The following GPC5 variants were observed in gnomAD, a reference collection of about 807,000 sequenced individuals.
GPC5 encodes the protein glypican-5.
Under a neutral mutation model 53.9 loss-of-function variants are expected in GPC5, and 47 were observed. The ratio of observed to expected loss-of-function variants is 0.87; its 90% confidence interval spans 0.69 to 1.11. The LOEUF is 1.11. GPC5 is among the 50% of genes most tolerant of loss of function. GPC5 has a pLI of 0.00. For synonymous variants in GPC5, 286 were observed against 263.3 expected, an observed-to-expected ratio of 1.09 and a Z score of -0.84; for missense variants, 748 against 713.1, an observed-to-expected ratio of 1.05 and a Z score of -0.56.
intron 7 of GPC5, among the ~76,000 whole-genome samples, chr13:92,748,311 T>TTTTTTA (rs535585731): frequency 1.2e-4 from 17 of 142,352 alleles, no homozygotes; most frequent in African/African-American, 4.1e-4. Context: ...TGCATTTTAT[T>TTTTTTA]TTATTATTAT....
intron 6 of GPC5, among the ~76,000 whole-genome samples, chr13:91,924,326 T>C (rs1263476694): frequency 3.3e-5 from 5 of 152,228 alleles, no homozygotes; most frequent in Non-Finnish European, 7.3e-5. Flanking sequence ...CTTATTAGAA[T>C]ACTAATTTCA....
chr13:91,619,068 G>T (rs1302833044), intron 2 of GPC5, among the ~76,000 whole-genome samples: 4 of 151,962 alleles, frequency 2.6e-5, no homozygotes, highest in African/African-American at 4.8e-5. Flanking sequence ...TAAATTGGAT[G>T]AATATTAGAA....
At chr13:92,752,112 G>A (rs1889419824) in intron 7 of GPC5, among the ~76,000 whole-genome samples, 1 of 150,928 alleles carries the variant, frequency 6.6e-6, no homozygotes, top group Admixed American at 6.6e-5. Context: ...TCTCAAACTT[G>A]GCATTACCAT....
intron 5 of GPC5, among the ~76,000 whole-genome samples, chr13:91,894,236 C>T (rs1408288045): frequency 2.0e-5 from 3 of 152,058 alleles, no homozygotes; most frequent in Non-Finnish European, 4.4e-5. Flanking sequence ...CATTTGGTAG[C>T]CCTTCAGGAC....
chr13:92,722,821 CA>C (rs1205248326), intron 7 of GPC5, among the ~76,000 whole-genome samples: 6 of 151,500 alleles, frequency 4.0e-5, no homozygotes, highest in African/African-American at 7.3e-5. Context: ...TTTTTATATA[CA>C]AAAAAATGAT....
At chr13:91,770,096 A>G (rs963912768) in intron 5 of GPC5, among the ~76,000 whole-genome samples, 1 of 152,184 alleles carries the variant, frequency 6.6e-6, no homozygotes, top group African/African-American at 2.4e-5. Context: ...AGAATGGCTC[A>G]CAGGACTCAG....
intron 1 of GPC5, among the ~76,000 whole-genome samples, chr13:91,436,613 G>A (rs1440865511): frequency 6.6e-6 from 1 of 152,068 alleles, no homozygotes; most frequent in Non-Finnish European, 1.5e-5. Flanking sequence ...CCAACTATGT[G>A]GTCAATTTTG....
chr13:92,198,698 T>A (rs1188973155), intron 7 of GPC5, among the ~76,000 whole-genome samples: 2 of 152,128 alleles, frequency 1.3e-5, no homozygotes, highest in Non-Finnish European at 2.9e-5. Context: ...ACCTGATACA[T>A]TTTCACTTCT....
At chr13:92,683,787 A>T (rs1167069300) in intron 7 of GPC5, among the ~76,000 whole-genome samples, 2 of 152,106 alleles carry the variant, frequency 1.3e-5, no homozygotes, top group East Asian at 3.9e-4. Flanking sequence ...AATTAGTGAA[A>T]ATTAAAGTGT....
chr13:92,830,729 G>A (rs191403923), intron 7 of GPC5, among the ~76,000 whole-genome samples: 1 of 151,972 alleles, frequency 6.6e-6, no homozygotes, highest in African/African-American at 2.4e-5. Flanking sequence ...CTATGAAATG[G>A]GAAAAAATTT....
At chr13:92,268,166 C>T (rs906018146) in intron 7 of GPC5, among the ~76,000 whole-genome samples, 3 of 151,898 alleles carry the variant, frequency 2.0e-5, no homozygotes, top group Admixed American at 6.6e-5. Context: ...ATCACGTAAA[C>T]TGTTCTAATA....
chr13:91,799,687 T>C (rs1425713342), intron 5 of GPC5, among the ~76,000 whole-genome samples: 4 of 152,180 alleles, frequency 2.6e-5, no homozygotes, highest in African/African-American at 9.6e-5. Flanking sequence ...GCATAGGATG[T>C]AGTGTAGTGT....
intron 6 of GPC5, among the ~76,000 whole-genome samples, chr13:91,938,385 C>A (rs183009633): frequency 6.6e-6 from 1 of 152,246 alleles, no homozygotes; most frequent in East Asian, 1.9e-4. Context: ...CTCATTACCA[C>A]AAGGCAGGCA....
At chr13:92,250,133 A>G (rs920550562) in intron 7 of GPC5, among the ~76,000 whole-genome samples, 10 of 152,092 alleles carry the variant, frequency 6.6e-5, no homozygotes, top group Non-Finnish European at 1.5e-4. Context: ...CACTTACTTT[A>G]TAGCAATTCA....
intron 7 of GPC5, among the ~76,000 whole-genome samples, chr13:92,834,585 C>T (rs1878161640): frequency 6.6e-6 from 1 of 152,138 alleles, no homozygotes; most frequent in Admixed American, 6.6e-5. Context: ...TAATAGATTG[C>T]TTCACAGGTT....
chr13:92,651,988 C>T (rs376243443), intron 7 of GPC5, among the ~76,000 whole-genome samples: 10 of 151,614 alleles, frequency 6.6e-5, no homozygotes, highest in African/African-American at 2.4e-4. Flanking sequence ...TTTTTGTGAC[C>T]CACTTTATGC....
At chr13:91,455,805 A>AT (rs1196721645) in intron 2 of GPC5, among the ~76,000 whole-genome samples, 2 of 151,946 alleles carry the variant, frequency 1.3e-5, no homozygotes, top group Admixed American at 1.3e-4. Context: ...GCTGTATATG[A>AT]TTTTTTTCTC....
chr13:91,882,646 G>T lies in GPC5; in HGVS notation c.1281-25291G>T, dbSNP rs373504209. ...GATTTTTTTTTTCTTTTCAGCTGAG[G>T]TTTTTTGTTTGTTTGTTTTTTGGGT... On this transcript the variant is annotated intron_variant, in intron 5 of 7. Coordinates refer to ENST00000377067, the MANE Select transcript of GPC5 (RefSeq NM_004466.6). Among the ~76,000 whole-genome samples the T allele has an allele frequency of 5.5e-4, 57 of 103,868 alleles. 1 individual carries two copies. In the East Asian group the frequency reaches 0.014, roughly 26 times the overall value. The allele number at this position is 103,868 out of a possible 152,430, so 68.1% of individuals were successfully genotyped here.
intron 2 of GPC5, among the ~76,000 whole-genome samples, chr13:91,570,654 T>C (rs2031739971): frequency 6.6e-6 from 1 of 152,182 alleles, no homozygotes; most frequent in Admixed American, 6.6e-5. Flanking sequence ...TAGTAAATGT[T>C]AGAGCTTGAA....
Sources: gnomAD v4.1 joint callset for allele counts (sites outside exome capture counted in the v4.1 genomes callset) on GRCh38, gnomAD v4.1.1 for gene constraint, MANE v1.5 for transcripts, NCBI Gene and HGNC (gene_info 2026-07-23, HGNC 2026-07-21) for gene names.